Variants in CPZ observed in about 807,000 individuals in gnomAD.
CPZ encodes VEZT/CPZ fusion.
CPZ carries 103 observed loss-of-function variants against 61.8 expected under a neutral mutation model. That is an observed-to-expected ratio of 1.67 (90% CI 1.42 to 1.96). CPZ has a LOEUF of 1.96. Among genes scored for constraint, CPZ ranks in the 30% most tolerant of loss-of-function variants. The pLI is 0.00. For missense variants in CPZ, 1,461 were observed against 914.9 expected (o/e 1.60, Z -7.70); for synonymous variants, 551 against 373.7 (o/e 1.47, Z -5.47).
At chr4:8,618,788 C>T (rs2302568) in intron 10 of CPZ, among the ~76,000 whole-genome samples, 2,052 of 152,280 alleles carry the variant, frequency 0.013, 51 homozygotes, top group East Asian at 0.1. Flanking sequence ...AGGAAAATGC[C>T]GCCTCCTCCA....
At chr4:8,615,084 C>T (rs916000858) in intron 9 of CPZ, among the ~76,000 whole-genome samples, 1 of 151,716 alleles carries the variant, frequency 6.6e-6, no homozygotes, top group Non-Finnish European at 1.5e-5. Context: ...GGTTTTGGGG[C>T]CTCAGAGTGA....
At chr4:8,615,722 G>T (rs898117185) in intron 9 of CPZ, among the ~76,000 whole-genome samples, 3 of 152,228 alleles carry the variant, frequency 2.0e-5, no homozygotes, top group Non-Finnish European at 4.4e-5. Flanking sequence ...GGGTCAGAGA[G>T]TGACATGGCC....
chr4:8,607,536 C>G (rs976966474), intron 7 of CPZ, 111 bp downstream of exon 7: 5 of 1,300,508 alleles, frequency 3.8e-6, no homozygotes, highest in African/African-American at 1.5e-5. Context: ...CTAGGAACCT[C>G]TACTCAGAGC....
intron 1 of CPZ, among the ~76,000 whole-genome samples, chr4:8,595,688 G>A (rs1327396219): frequency 1.3e-5 from 2 of 152,246 alleles, no homozygotes; most frequent in Admixed American, 6.5e-5. Flanking sequence ...GAAGAATTGT[G>A]TTTTCCAGAA....
chr4:8,615,770 T>A (rs1716112286), intron 9 of CPZ, among the ~76,000 whole-genome samples: 1 of 152,170 alleles, frequency 6.6e-6, no homozygotes, highest in Non-Finnish European at 1.5e-5. Context: ...TCCCAAGCCC[T>A]CTGTCCATGA....
At chr4:8,594,147 G>A (rs1275960740) in intron 1 of CPZ, among the ~76,000 whole-genome samples, 1 of 152,224 alleles carries the variant, frequency 6.6e-6, no homozygotes, top group African/African-American at 2.4e-5. Context: ...CCTGGCAGGT[G>A]CTGAGCACAG....
At chr4:8,601,085 C>A in intron 2 of CPZ, 38 bp from the exon 3 acceptor site, 6 of 1,537,592 alleles carry the variant, frequency 3.9e-6, no homozygotes, top group Non-Finnish European at 5.3e-6. Context: ...GTCAGGGCCA[C>A]TGCAGGAGGG....
At chr4:8,609,110 C>A (rs1354432318) in intron 7 of CPZ, among the ~76,000 whole-genome samples, 3 of 66,226 alleles carry the variant, frequency 4.5e-5, no homozygotes, top group Non-Finnish European at 8.8e-5. Context: ...TCACTCCCTT[C>A]CTCACTCCCT....
At chr4:8,597,007 G>A (rs960061510) in intron 1 of CPZ, among the ~76,000 whole-genome samples, 3 of 152,186 alleles carry the variant, frequency 2.0e-5, no homozygotes, top group African/African-American at 4.8e-5. Flanking sequence ...AGTGCCAGCC[G>A]GGCACCGTCA....
intron 10 of CPZ, 86 bp downstream of exon 10, chr4:8,618,614 A>G: frequency 8.0e-7 from 1 of 1,256,596 alleles, no homozygotes; most frequent in Non-Finnish European, 1.1e-6. Context: ...AGGCACTCAC[A>G]GTGTGCCCAG....
chr4:8,606,129 C>G lies in CPZ; in HGVS notation c.850C>G (p.Arg284Gly), dbSNP rs141203560. The G allele has an allele frequency of 1.2e-6, 2 of 1,614,056 alleles. No individual in the cohort carries two copies. The highest frequency in any genetic ancestry group is 1.7e-5 in the Admixed American group (1 of 60,028). Reference protein sequence around the residue: ...PRIQRLLNTTRIHLLPSMNPD... With the variant: ...PRIQRLLNTTGIHLLPSMNPD... ...CATCCAGCGCCTGCTCAACACCACC[C>G]GCATCCACCTGCTGCCCTCCATGAA... is the stretch of plus-strand genomic sequence containing the variant. Residue 284 changes from arginine (R) to glycine (G), a missense_variant, in exon 5 of 11, where the codon CGC becomes GGC. Coordinates refer to ENST00000360986, the MANE Select transcript of CPZ (RefSeq NM_001014447.3).
chr4:8,615,917 T>C (rs1452720361), intron 9 of CPZ, among the ~76,000 whole-genome samples: 1 of 152,206 alleles, frequency 6.6e-6, no homozygotes, highest in Non-Finnish European at 1.5e-5. Context: ...CATTTGAGTT[T>C]CTTTCTGATG....
chr4:8,604,736 G>A (rs1215591684), intron 4 of CPZ, among the ~76,000 whole-genome samples: 2 of 152,202 alleles, frequency 1.3e-5, no homozygotes, highest in African/African-American at 4.8e-5. Context: ...GCCCAGCTCG[G>A]CCTCCCCACT....
chr4:8,605,400 ACATCCATG>A (rs1357741732), intron 4 of CPZ, among the ~76,000 whole-genome samples: 3 of 147,274 alleles, frequency 2.0e-5, no homozygotes, highest in East Asian at 2.1e-4. Flanking sequence ...ATTCATTCAT[ACATCCATG>A]CATCCATCCA....
At chr4:8,618,658 T>A in intron 10 of CPZ, 130 bp downstream of exon 10, 1 of 848,730 alleles carries the variant, frequency 1.2e-6, no homozygotes, top group South Asian at 1.6e-5. Flanking sequence ...CTCCCCAGGC[T>A]GGCTGGGTCG....
chr4:8,619,528 C>T lies in CPZ; in HGVS notation c.1870C>T (p.Gln624Ter). 4 of 1,586,026 alleles carry T rather than the reference C, an allele frequency of 2.5e-6. No individual in the cohort carries two copies. The highest frequency in any genetic ancestry group is 3.4e-6 in the Non-Finnish European group (4 of 1,165,056). ...GCCCGACCCGCTCCGGGCGCGCAGG[C>T]AGCCCTCGGCCGACGGGAGTAAGCC... is the stretch of plus-strand genomic sequence containing the variant. ...TEPDPLRARR[Q>*]PSADGSKPWW... The change falls in exon 11 of 11, where the codon CAG becomes TAG. Residue 624 changes from glutamine (Q) to a stop codon, truncating the protein, a stop_gained. Coordinates refer to ENST00000360986, the MANE Select transcript of CPZ (RefSeq NM_001014447.3). LOFTEE classifies it high-confidence loss of function.
chr4:8,609,821 C>G (rs1715499327), intron 7 of CPZ, among the ~76,000 whole-genome samples: 1 of 152,194 alleles, frequency 6.6e-6, no homozygotes, highest in Non-Finnish European at 1.5e-5. Context: ...CTGTGGCCGG[C>G]AGTGATCTCT....
chr4:8,610,161 C>G lies in CPZ; in HGVS notation c.1228-1866C>G, dbSNP rs1329790832. On this transcript the variant is annotated intron_variant, in intron 7 of 10. Coordinates refer to ENST00000360986, the MANE Select transcript of CPZ (RefSeq NM_001014447.3). The stretch of plus-strand genomic sequence containing the variant: ...GGTGGGCTGGGTTTCCCACGGTCCT[C>G]AGCCTGTGTTTCTGGGTCCCCATTC... 2.0e-5 allele frequency among the ~76,000 whole-genome samples: 3 copies of G among 152,238 alleles called. No homozygotes were observed. The East Asian group carries it at 5.8e-4, about 29-fold the overall frequency.
At position 8,612,032 on chromosome 4, in the gene CPZ, C is replaced by G. The variant is rs1715742604; in HGVS notation, c.1233C>G (p.Phe411Leu). Residue 411 changes from phenylalanine (F) to leucine (L), a missense_variant, in exon 8 of 11, where the codon TTC becomes TTG. Physicochemically the swap from Phe to Leu is conservative, Grantham distance 22. Transcript: ENST00000360986. The part of the protein sequence containing the change: ...MFSPTPDEKM[F>L]KLLSRAYADV... ...GAGCCAGGTTTCTTTTCCAGATGTT[C>G]AAGCTGCTGTCCAGAGCCTACGCTG... 6.2e-7 allele frequency: 1 copy of G among 1,613,978 alleles called. No homozygotes were observed. Among genetic ancestry groups the G allele is most frequent in the Non-Finnish European group, 8.5e-7 (1 of 1,180,016 alleles).
Sources: gnomAD v4.1 joint callset for allele counts (sites outside exome capture counted in the v4.1 genomes callset) on GRCh38, gnomAD v4.1.1 for gene constraint, MANE v1.5 for transcripts, NCBI Gene and HGNC (gene_info 2026-07-23, HGNC 2026-07-21) for gene names.